The following NMBR variants were observed in gnomAD, a reference collection of about 807,000 sequenced individuals.
NMBR encodes neuromedin B receptor, also known as neuromedin-B receptor.
NMBR carries 16 observed loss-of-function variants against 20.5 expected under a neutral mutation model. The observed-to-expected ratio is 0.78, with a 90% CI of 0.53 to 1.19. The LOEUF is 1.19. NMBR is among the 50% of genes most tolerant of loss of function. The probability of loss-of-function intolerance (pLI) is 0.00; values close to 1 mark genes in which losing one functional copy is unlikely to be tolerated. For synonymous variants in NMBR, 212 were observed against 196.6 expected, an observed-to-expected ratio of 1.08 and a Z score of -0.65; for missense variants, 582 against 499.1, an observed-to-expected ratio of 1.17 and a Z score of -1.58.
chr6:142,145,951 G>A (rs1323294886), intron 1 of NMBR, among the ~76,000 whole-genome samples: 3 of 152,200 alleles, frequency 2.0e-5, no homozygotes, highest in Admixed American at 6.5e-5. Context: ...ATGAAAAGTT[G>A]TGAGTATAGA....
chr6:142,086,372 G>T (rs2114563965), intron 2 of NMBR, among the ~76,000 whole-genome samples: 1 of 152,184 alleles, frequency 6.6e-6, no homozygotes, highest in South Asian at 2.1e-4. Flanking sequence ...ACATCCACAA[G>T]AAATCATAGC....
intron 1 of NMBR, among the ~76,000 whole-genome samples, chr6:142,121,616 CT>C (rs200842223): frequency 7.7e-4 from 116 of 150,622 alleles, no homozygotes; most frequent in Non-Finnish European, 1.2e-3. Context: ...ATTTTAAAAC[CT>C]TTTTTTTTCA....
chr6:142,145,044 GA>G (rs1778409706), intron 1 of NMBR, among the ~76,000 whole-genome samples: 1 of 137,720 alleles, frequency 7.3e-6, no homozygotes, highest in Admixed American at 7.3e-5. Context: ...AAAAAAGAAA[GA>G]AAAAAAGAAG....
chr6:142,104,115 G>T (rs1777614115), intron 1 of NMBR, among the ~76,000 whole-genome samples: 1 of 152,120 alleles, frequency 6.6e-6, no homozygotes, highest in African/African-American at 2.4e-5. Context: ...TGGCCTTAAG[G>T]TATTCTCCTG....
chr6:142,135,026 G>A (rs1033133618), intron 1 of NMBR: 1 of 441,400 alleles, frequency 2.3e-6, no homozygotes, highest in African/African-American at 2.0e-5. Flanking sequence ...CAATGTGTCT[G>A]AAATTTTTGT....
At chr6:142,141,503 CTTTG>C (rs1007993233) in intron 1 of NMBR, among the ~76,000 whole-genome samples, 2 of 150,536 alleles carry the variant, frequency 1.3e-5, no homozygotes, top group Admixed American at 6.6e-5. Flanking sequence ...AGTTGTGTTG[CTTTG>C]TTTTTTTTTT....
chr6:142,143,574 G>A (rs1478154499), intron 1 of NMBR, among the ~76,000 whole-genome samples: 1 of 152,208 alleles, frequency 6.6e-6, no homozygotes, highest in African/African-American at 2.4e-5. Context: ...GTGAGCCACT[G>A]CACCATTTTA....
chr6:142,107,015 G>T (rs1777675941), intron 1 of NMBR, among the ~76,000 whole-genome samples: 1 of 152,136 alleles, frequency 6.6e-6, no homozygotes, highest in Non-Finnish European at 1.5e-5. Flanking sequence ...TGCATTTTAG[G>T]TTCATAAGTG....
chr6:142,104,901 G>A (rs1304212917), intron 1 of NMBR, among the ~76,000 whole-genome samples: 1 of 152,226 alleles, frequency 6.6e-6, no homozygotes, highest in Admixed American at 6.5e-5. Context: ...AGTCAGCAAA[G>A]GGTGGTGGGA....
chr6:142,138,806 A>T (rs771563479), intron 1 of NMBR, among the ~76,000 whole-genome samples: 2 of 152,142 alleles, frequency 1.3e-5, no homozygotes, highest in Non-Finnish European at 2.9e-5. Flanking sequence ...TGTGTGTTTT[A>T]TCCTGTTGGA....
At chr6:142,098,184 A>G (rs2114577874) in intron 1 of NMBR, among the ~76,000 whole-genome samples, 1 of 152,252 alleles carries the variant, frequency 6.6e-6, no homozygotes, top group Admixed American at 6.5e-5. Context: ...CTTCACATCC[A>G]AGAGGCTCAG....
At chr6:142,079,086 A>AAGAGAAAGAGAG (rs1554257056) in intron 2 of NMBR, among the ~76,000 whole-genome samples, 183 bp from the exon 3 acceptor site, 12 of 112,688 alleles carry the variant, frequency 1.1e-4, no homozygotes, top group Non-Finnish European at 1.4e-4. Flanking sequence ...GAAAGAAAGA[A>AAGAGAAAGAGAG]AGAGAGAAAG....
intron 1 of NMBR, among the ~76,000 whole-genome samples, chr6:142,140,298 C>T (rs1057143060): frequency 2.6e-5 from 4 of 151,898 alleles, no homozygotes; most frequent in African/African-American, 9.7e-5. Flanking sequence ...TAGAAGTATA[C>T]TATTATAAGA....
At chr6:142,079,147 G>GAAAGAAAGAAAGA (rs879683798) in intron 2 of NMBR, among the ~76,000 whole-genome samples, 4 of 86,758 alleles carry the variant, frequency 4.6e-5, no homozygotes, top group Non-Finnish European at 8.8e-5. Context: ...GAAAGAAAAA[G>GAAAGAAAGAAAGA]AAGAGAGGAG....
intron 1 of NMBR, chr6:142,134,184 A>T (rs1778203956): frequency 2.1e-6 from 1 of 484,806 alleles, no homozygotes; most frequent in Admixed American, 3.6e-5. Flanking sequence ...TGTATATTTC[A>T]GATAAATTGA....
Position 142,075,706 on chromosome 6 carries a change from A to G in NMBR, c.1115T>C (p.Met372Thr). 6.2e-7 allele frequency: 1 copy of G among 1,613,888 alleles called. No homozygotes were observed. Among genetic ancestry groups the G allele is most frequent in the Non-Finnish European group, 8.5e-7 (1 of 1,179,852 alleles). The change falls in exon 4 of 4, where the codon ATG becomes ACG. Residue 372 changes from methionine to threonine, a missense_variant. Physicochemically the swap from Met to Thr is moderately conservative, Grantham distance 81 (BLOSUM62 -1). Coordinates refer to ENST00000258042, the MANE Select transcript of NMBR (RefSeq NM_002511.4). ...ATTTAGTAAAACAGAATTGGTCACCATGTTCTTAGCATTGCTTTTCAGAGA... is the reference window on the plus strand; with the variant it reads ...ATTTAGTAAAACAGAATTGGTCACCGTGTTCTTAGCATTGCTTTTCAGAGA... Reference protein sequence around the residue: ...MTSLKSNAKNMVTNSVLLNGH... With the variant: ...MTSLKSNAKNTVTNSVLLNGH...
chr6:142,080,071 T>A lies in NMBR; in HGVS notation c.423-1168A>T, dbSNP rs76998626. On this transcript the variant is annotated intron_variant, in intron 2 of 3. Coordinates refer to ENST00000258042, the MANE Select transcript of NMBR (RefSeq NM_002511.4). ...TCACAGGATTTTAGTTAGACAAATC[T>A]GAATTATTACCCCATCTCTGATATA... Among the ~76,000 whole-genome samples, 1,064 of 152,280 alleles carry A rather than the reference T, an allele frequency of 7.0e-3. 10 individuals are homozygous for A. Among genetic ancestry groups the A allele is most frequent in the African/African-American group, 0.024 (1,012 of 41,564 alleles).
At chr6:142,087,238 T>A (rs568723712) in intron 2 of NMBR, among the ~76,000 whole-genome samples, 14 of 152,338 alleles carry the variant, frequency 9.2e-5, no homozygotes, top group African/African-American at 3.4e-4. Context: ...AGACTTATTT[T>A]TCATTAGCAA....
chr6:142,121,858 A>G (rs1777948286), intron 1 of NMBR, among the ~76,000 whole-genome samples: 1 of 151,960 alleles, frequency 6.6e-6, no homozygotes, highest in Non-Finnish European at 1.5e-5. Context: ...CAGACCAGGA[A>G]TGGAGCCCAA....
Sources: allele counts gnomAD v4.1 joint callset (sites outside exome capture counted in the v4.1 genomes callset), GRCh38; gene constraint gnomAD v4.1.1; transcripts MANE v1.5; gene names NCBI Gene and HGNC (gene_info 2026-07-23, HGNC 2026-07-21).